Variants in ADRA1B observed in about 807,000 individuals in gnomAD.
ADRA1B encodes the protein alpha-1B adrenergic receptor.
A neutral mutation model predicts 17.9 loss-of-function variants in ADRA1B; 17 were observed. The ratio of observed to expected loss-of-function variants is 0.95; its 90% CI spans 0.65 to 1.42. The LOEUF is 1.42. Ranked by LOEUF, ADRA1B falls within the 40% of genes most tolerant of loss-of-function variation. ADRA1B has a pLI of 0.00. For missense variants in ADRA1B, 681 were observed against 722.1 expected, an observed-to-expected ratio of 0.94 and a Z score of 0.65; for synonymous variants, 366 against 327.6, an observed-to-expected ratio of 1.12 and a Z score of -1.27.
Position 159,917,290 on chromosome 5 carries a change from T to C in ADRA1B, c.385T>C (p.Cys129Arg). 6.2e-7 allele frequency: 1 copy of C among 1,614,150 alleles called. No individual in the cohort carries two copies. The highest frequency in any genetic ancestry group is 1.6e-4 in the Middle Eastern group (1 of 6,062). The stretch of plus-strand genomic sequence containing the variant: ...CTGGGCAGCCGTGGATGTCCTGTGC[T>C]GCACAGCGTCCATTCTGAGCCTGTG... Reference protein sequence around the residue: ...DIWAAVDVLCCTASILSLCAI... With the variant: ...DIWAAVDVLCRTASILSLCAI... Residue 129 changes from cysteine (C) to arginine (R), a missense_variant, in exon 1 of 2, where the codon TGC becomes CGC. This residue lies in a region of ADRA1B where 424 missense variants were observed against 480.2 expected (regional missense o/e 0.88). Coordinates refer to ENST00000306675, the MANE Select transcript of ADRA1B (RefSeq NM_000679.4).
intron 1 of ADRA1B, among the ~76,000 whole-genome samples, chr5:159,898,763 G>A (rs1020802737): frequency 1.3e-5 from 2 of 152,150 alleles, no homozygotes; most frequent in African/African-American, 4.8e-5. Context: ...GACTTGGAAG[G>A]GGGATCCTTC....
At chr5:159,882,210 C>CT (rs1753870863) in intron 1 of ADRA1B, among the ~76,000 whole-genome samples, 1 of 152,250 alleles carries the variant, frequency 6.6e-6, no homozygotes, top group African/African-American at 2.4e-5. Flanking sequence ...TAGAAAGTCC[C>CT]TTACAGATCA....
Position 159,871,800 on chromosome 5 carries a change from G to A in ADRA1B, c.-256+6594G>A, listed in dbSNP as rs187353579. On this transcript the variant is annotated intron_variant, in intron 1 of 2. Transcript: ENST00000641205. The stretch of plus-strand genomic sequence containing the variant: ...AATTTTAAAAGTAGATTGAAGCCCT[G>A]TTTTGACAGTCTTTGAATGCCAATT... 1.7e-4 allele frequency among the ~76,000 whole-genome samples: 26 copies of A among 152,302 alleles called. No homozygotes were observed. The East Asian group carries it at 5.0e-3, about 29-fold the overall frequency.
intron 1 of ADRA1B, among the ~76,000 whole-genome samples, chr5:159,957,929 C>CAAAAAAAAAAAAAAAAAAAAAAAAAAAA (rs35956137): frequency 6.0e-5 from 4 of 66,862 alleles, no homozygotes; most frequent in Middle Eastern, 9.1e-3. Flanking sequence ...AACCCCATCT[C>CAAAAAAAAAAAAAAAAAAAAAAAAAAAA]AAAAAAAAAA....
intron 1 of ADRA1B, among the ~76,000 whole-genome samples, chr5:159,958,832 T>C (rs1561608519): frequency 6.6e-6 from 1 of 152,218 alleles, no homozygotes; most frequent in Non-Finnish European, 1.5e-5. Flanking sequence ...GTCCCACCAA[T>C]GCTCAGTTTC....
chr5:159,887,965 G>A (rs982479055), intron 1 of ADRA1B: 1 of 152,092 alleles, frequency 6.6e-6, no homozygotes, highest in African/African-American at 2.4e-5. Flanking sequence ...TTTCCATATT[G>A]GGCTTTCAAA....
intron 1 of ADRA1B, among the ~76,000 whole-genome samples, chr5:159,928,480 G>A (rs1331197899): frequency 6.6e-6 from 1 of 152,220 alleles, no homozygotes; most frequent in Non-Finnish European, 1.5e-5. Flanking sequence ...CCAACGAGCA[G>A]TTCAGTTTAA....
chr5:159,924,344 A>G (rs1217624866), intron 1 of ADRA1B, among the ~76,000 whole-genome samples: 1 of 152,176 alleles, frequency 6.6e-6, no homozygotes, highest in Non-Finnish European at 1.5e-5. Context: ...TTAGTACCCT[A>G]TGTCAATCCC....
At chr5:159,924,138 G>A (rs1298585948) in intron 1 of ADRA1B, among the ~76,000 whole-genome samples, 3 of 152,234 alleles carry the variant, frequency 2.0e-5, no homozygotes, top group Non-Finnish European at 2.9e-5. Context: ...AGAAAGTTAG[G>A]AAAATGCTGT....
At chr5:159,976,394 C>T (rs1755974701), downstream of ADRA1B, among the ~76,000 whole-genome samples, 1 of 151,982 alleles carries the variant, frequency 6.6e-6, no homozygotes, top group African/African-American at 2.4e-5. Flanking sequence ...GTGGCTCACA[C>T]CTGTAATCCC....
chr5:159,917,245 G>C lies in ADRA1B; in HGVS notation c.340G>C (p.Gly114Arg). The change falls in exon 1 of 2, where the codon GGG (glycine) becomes CGG (arginine). Residue 114 changes from glycine to arginine, a missense_variant. Gly to Arg is a moderately radical substitution (Grantham distance 125). Coordinates refer to ENST00000306675, the MANE Select transcript of ADRA1B (RefSeq NM_000679.4). ...ALEVLGYWVL[G>R]RIFCDIWAAV... ...AGAGGTGCTCGGCTACTGGGTGCTG[G>C]GGCGGATCTTCTGTGACATCTGGGC... The C allele has an allele frequency of 2.5e-6, 4 of 1,614,134 alleles. No homozygotes were observed. The highest frequency in any genetic ancestry group is 1.1e-5 in the South Asian group (1 of 91,080).
intron 1 of ADRA1B, among the ~76,000 whole-genome samples, chr5:159,873,542 T>C (rs1203084690): frequency 1.3e-5 from 2 of 152,210 alleles, no homozygotes; most frequent in Non-Finnish European, 2.9e-5. Flanking sequence ...ACAGTTCAAC[T>C]TCTGCCTCTG....
intron 1 of ADRA1B, among the ~76,000 whole-genome samples, chr5:159,884,182 A>G (rs953143253): frequency 6.6e-6 from 1 of 152,222 alleles, no homozygotes; most frequent in Non-Finnish European, 1.5e-5. Flanking sequence ...AAAATAATTG[A>G]TTGTCCCATG....
chr5:159,880,619 TG>T (rs1402360786), intron 1 of ADRA1B, among the ~76,000 whole-genome samples: 1 of 152,170 alleles, frequency 6.6e-6, no homozygotes, highest in African/African-American at 2.4e-5. Context: ...TCAAGTCAAG[TG>T]GTTCCATCTT....
chr5:159,909,540 T>C (rs750337153), intron 1 of ADRA1B, among the ~76,000 whole-genome samples: 2 of 152,250 alleles, frequency 1.3e-5, no homozygotes, highest in African/African-American at 2.4e-5. Context: ...ATGGAGAAAC[T>C]TGAGATTTGT....
At chr5:159,877,523 T>C (rs552915861) in intron 1 of ADRA1B, among the ~76,000 whole-genome samples, 1 of 152,030 alleles carries the variant, frequency 6.6e-6, no homozygotes, top group African/African-American at 2.4e-5. Context: ...TTCTAAACAC[T>C]TTCATATCTC....
rs118136972 is a variant in ADRA1B, at chr5:159,945,102, G to T, written c.950-26777G>T. ...ATTAATTTTAAGAAAAAAGAGGGCC[G>T]GGTGCGGTGGCTCACGCCTATAATC... On this transcript the variant is annotated intron_variant, in intron 1 of 1. Transcript: ENST00000306675. Among the ~76,000 whole-genome samples, 118 of 152,272 alleles carry T rather than the reference G, an allele frequency of 7.7e-4. 1 individual carries two copies. The East Asian group carries it at 0.022, about 28-fold the overall frequency.
At chr5:159,911,878 CT>C (rs1194172737), upstream of ADRA1B, among the ~76,000 whole-genome samples, 2 of 152,150 alleles carry the variant, frequency 1.3e-5, no homozygotes, top group Non-Finnish European at 2.9e-5. Flanking sequence ...CCTCCAATTC[CT>C]TTTTTGTGTT....
chr5:159,946,376 C>T (rs1370801987), intron 1 of ADRA1B, among the ~76,000 whole-genome samples: 1 of 152,120 alleles, frequency 6.6e-6, no homozygotes, highest in Non-Finnish European at 1.5e-5. Context: ...GAAAAGAGCA[C>T]CAATCAGAAG....
Sources: allele counts gnomAD v4.1 joint callset (sites outside exome capture counted in the v4.1 genomes callset), GRCh38; gene constraint gnomAD v4.1.1; regional missense constraint gnomAD v4.1.1; transcripts MANE v1.5; gene names NCBI Gene and HGNC (gene_info 2026-07-23, HGNC 2026-07-21).